The following KCNN1 variants were observed in gnomAD, a reference collection of about 807,000 sequenced individuals.
The protein encoded by KCNN1 is potassium calcium-activated channel subfamily N member 1.
Under a neutral mutation model 44.7 loss-of-function variants are expected in KCNN1, and 20 were observed. The observed-to-expected ratio is 0.45, with a 90% CI of 0.32 to 0.65. KCNN1 has a LOEUF of 0.65. Among genes scored for constraint, KCNN1 ranks in the 30% least tolerant of loss-of-function variants. The pLI is 0.05. For missense variants in KCNN1, 632 were observed against 785.3 expected (o/e 0.80, Z 2.33); for synonymous variants, 324 against 341.7 (o/e 0.95, Z 0.57).
At chr19:17,986,806 CTT>C (rs201694019) in intron 5 of KCNN1, among the ~76,000 whole-genome samples, 1 of 150,296 alleles carries the variant, frequency 6.7e-6, no homozygotes. Context: ...CCATGCCTGA[CTT>C]TGTTTTTTTC....
chr19:17,990,990 G>A, intron 7 of KCNN1, among the ~76,000 whole-genome samples: 1 of 151,892 alleles, frequency 6.6e-6, no homozygotes, highest in East Asian at 1.9e-4. Flanking sequence ...TAGAGTCTGG[G>A]TTGCAGTCTG....
chr19:17,998,129 C>A lies in KCNN1; in HGVS notation c.1378-23C>A, dbSNP rs760259341. The A allele has an allele frequency of 1.3e-6, 2 of 1,562,968 alleles. No homozygotes were observed. Among genetic ancestry groups the A allele is most frequent in the South Asian group, 2.4e-5 (2 of 84,248 alleles). On this transcript the variant is annotated intron_variant, in intron 9 of 9. Transcript: ENST00000684775. The surrounding 1 kb of genome is among the most constrained non-coding windows in gnomAD (Gnocchi z 5.4). ...TCTCTCACTCAGCGGCGCCTCTCTCCTGCCCCTCTCTGTCTCCCGCAGACC... is the reference window on the plus strand; with the variant it reads ...TCTCTCACTCAGCGGCGCCTCTCTCATGCCCCTCTCTGTCTCCCGCAGACC...
intron 3 of KCNN1, among the ~76,000 whole-genome samples, chr19:17,977,133 A>G (rs887311271): frequency 6.6e-6 from 1 of 152,198 alleles, no homozygotes; most frequent in African/African-American, 2.4e-5. Context: ...TCTGAGAGCC[A>G]TGAGAGACAA....
chr19:17,964,285 G>GGT (rs1333434011), upstream of KCNN1, among the ~76,000 whole-genome samples: 3 of 152,352 alleles, frequency 2.0e-5, no homozygotes, highest in Non-Finnish European at 1.5e-5. This position sits in a 1 kb window ranked among gnomAD's most constrained non-coding sequence, Gnocchi z 4.3. Context: ...GGGGTGCTGG[G>GGT]GATGGAGGTG....
intron 1 of KCNN1, among the ~76,000 whole-genome samples, chr19:17,973,429 C>T (rs1056831159): frequency 2.6e-5 from 4 of 152,230 alleles, no homozygotes; most frequent in African/African-American, 7.2e-5. Context: ...TACAGGCATG[C>T]ACCACTACGC....
intron 5 of KCNN1, among the ~76,000 whole-genome samples, chr19:17,986,805 A>T (rs1486730005): frequency 6.7e-6 from 1 of 148,782 alleles, no homozygotes; most frequent in Non-Finnish European, 1.5e-5. Flanking sequence ...CCCATGCCTG[A>T]CTTTGTTTTT....
rs894290454 is a variant in KCNN1 at position 17,993,278 on chromosome 19, T to C, written c.1308-212T>C. The stretch of plus-strand genomic sequence containing the variant: ...GGAGACAGGACCAGCCAATGGGTGG[T>C]GTGGGCGGTGGCCAGGCTGACTTCT... On this transcript the variant is annotated intron_variant, in intron 8 of 9. Coordinates refer to ENST00000684775, the MANE Select transcript of KCNN1 (RefSeq NM_001386974.1). This position sits in a 1 kb window ranked among gnomAD's most constrained non-coding sequence, Gnocchi z 4.5. 6.6e-6 allele frequency among the ~76,000 whole-genome samples: 1 copy of C among 152,016 alleles called. No homozygotes were observed. Among genetic ancestry groups the C allele is most frequent in the African/African-American group, 2.4e-5 (1 of 41,380 alleles).
Position 17,993,412 on chromosome 19 carries a change from T to A in KCNN1, c.1308-78T>A. On this transcript the variant is annotated intron_variant, in intron 8 of 9. Transcript: ENST00000684775. The surrounding 1 kb of genome is among the most constrained non-coding windows in gnomAD (Gnocchi z 4.5). The stretch of plus-strand genomic sequence containing the variant: ...TGTCCCATAGGTGACCCCGGGTGGG[T>A]GCATGAAAGTCCCTGCCCCCACTGC... 1 of 1,053,044 alleles carries A rather than the reference T, an allele frequency of 9.5e-7. No homozygotes were observed. The highest frequency in any genetic ancestry group is 1.5e-6 in the Non-Finnish European group (1 of 689,146). The allele number at this position is 1,053,044 out of a possible 1,614,324, so 65.2% of individuals were successfully genotyped here. A position where few individuals can be genotyped will look rare whatever the true frequency, so the allele number is the denominator to read the frequency against.
upstream of KCNN1, among the ~76,000 whole-genome samples, chr19:17,964,827 G>A (rs73922749): frequency 5.5e-3 from 836 of 152,284 alleles, 7 homozygotes; most frequent in African/African-American, 0.019. The surrounding 1 kb of genome is among the most constrained non-coding windows in gnomAD (Gnocchi z 4.3). Flanking sequence ...CAGGGCAGGT[G>A]AATGCAAAGG....
chr19:17,956,430 C>T (rs1305856850), intron 2 of KCNN1, among the ~76,000 whole-genome samples: 5 of 152,184 alleles, frequency 3.3e-5, no homozygotes, highest in African/African-American at 4.8e-5. Flanking sequence ...TGTGGAATTT[C>T]ATGGGGCATC....
rs1325514982 is a variant in KCNN1, at chr19:17,983,464, T to C, written c.917+1337T>C. 6.6e-6 allele frequency among the ~76,000 whole-genome samples: 1 copy of C among 152,088 alleles called. No individual in the cohort carries two copies. The highest frequency in any genetic ancestry group is 6.5e-5 in the Admixed American group (1 of 15,276). On this transcript the variant is annotated intron_variant, in intron 4 of 9. Coordinates refer to ENST00000684775, the MANE Select transcript of KCNN1 (RefSeq NM_001386974.1). The surrounding 1 kb of genome is among the most constrained non-coding windows in gnomAD (Gnocchi z 4.5). The stretch of plus-strand genomic sequence containing the variant: ...GCTGTTAAGGCTTCCAGGGCTCTCC[T>C]TGGGCTCTTGATGTTCCCCCATGCA...
rs1599388702 is a variant in KCNN1, at chr19:17,999,880, T to G, written c.*1474T>G. 2.3e-6 allele frequency: 1 copy of G among 442,394 alleles called. No individual in the cohort carries two copies. Among genetic ancestry groups the G allele is most frequent in the Non-Finnish European group, 4.5e-6 (1 of 220,216 alleles). The allele number at this position is 442,394 out of a possible 1,614,324, so 27.4% of individuals were successfully genotyped here. A position where few individuals can be genotyped will look rare whatever the true frequency, so the allele number is the denominator to read the frequency against. On this transcript the variant is annotated 3_prime_UTR_variant, in exon 10 of 10. Transcript: ENST00000684775. ...AGCTTGGGCCCACGCACGAGAAGGG[T>G]ATGAGGAGGTGCTGGTCAGACCCGG...
intron 1 of KCNN1, among the ~76,000 whole-genome samples, chr19:17,970,156 G>A (rs1276113429): frequency 1.3e-5 from 2 of 151,896 alleles, no homozygotes; most frequent in Admixed American, 6.6e-5. Context: ...CTGGGCCTGC[G>A]GGAGGTCAGG....
At chr19:17,987,307 A>G (rs1290802539) in intron 5 of KCNN1, among the ~76,000 whole-genome samples, 1 of 151,830 alleles carries the variant, frequency 6.6e-6, no homozygotes, top group Non-Finnish European at 1.5e-5. Flanking sequence ...ACAGGGTTTC[A>G]CCATGTCGAC....
rs566210444 is a variant in KCNN1, at chr19:17,993,447, G to C, written c.1308-43G>C. On this transcript the variant is annotated intron_variant, in intron 8 of 9. Coordinates refer to ENST00000684775, the MANE Select transcript of KCNN1 (RefSeq NM_001386974.1). The surrounding 1 kb of genome is among the most constrained non-coding windows in gnomAD (Gnocchi z 4.5). ...TCCCTGCCCCCACTGCAGCCTCCAC[G>C]GGAACCTGCCTAACCCCCTCCCCCA... is the stretch of plus-strand genomic sequence containing the variant. 197 of 1,485,064 alleles carry C rather than the reference G, an allele frequency of 1.3e-4. No individual in the cohort carries two copies. Among genetic ancestry groups the C allele is most frequent in the Non-Finnish European group, 1.6e-4 (173 of 1,068,976 alleles). The allele number at this position is 1,485,064 out of a possible 1,614,324, so 92.0% of individuals were successfully genotyped here.
At position 17,998,325 on chromosome 19, in the gene KCNN1, G is replaced by C; in HGVS notation, c.1551G>C (p.Arg517Ser). The change falls in exon 10 of 10, where the codon AGG becomes AGC. Residue 517 changes from arginine to serine, a missense_variant. Physicochemically the swap from Arg to Ser is moderately radical, Grantham distance 110. Coordinates refer to ENST00000684775, the MANE Select transcript of KCNN1 (RefSeq NM_001386974.1). The surrounding 1 kb of genome is among the most constrained non-coding windows in gnomAD (Gnocchi z 5.4). ...CACCCCCGCCTCCCCTGCCTCCCAG[G>C]CCCGGCCCCGGCCCCCAAGACCAGG... ...IRPPPPPLPP[R>S]PGPGPQDQAA... 1 of 1,534,730 alleles carries C rather than the reference G, an allele frequency of 6.5e-7. No homozygotes were observed. Among genetic ancestry groups the C allele is most frequent in the Non-Finnish European group, 8.7e-7 (1 of 1,146,208 alleles).
intron 7 of KCNN1, among the ~76,000 whole-genome samples, chr19:17,990,350 G>A (rs1288476576): frequency 2.6e-5 from 4 of 151,858 alleles, no homozygotes; most frequent in Non-Finnish European, 5.9e-5. Context: ...TGGGTGTGGT[G>A]GTGTGCCTCT....
intron 5 of KCNN1, among the ~76,000 whole-genome samples, chr19:17,986,955 T>C (rs1450740020): frequency 3.9e-5 from 6 of 151,966 alleles, no homozygotes; most frequent in Non-Finnish European, 8.8e-5. Flanking sequence ...TACAGGCGCC[T>C]GCCACCAGGC....
rs11878735 is a variant in KCNN1, at chr19:17,977,445, A to G, written c.498+2258A>G. ...CAGCCTCGACATCCTGGGCTTACAC[A>G]GTCCTCCCACCTCAGCCCCCAGGTA... On this transcript the variant is annotated intron_variant, in intron 3 of 9. Transcript: ENST00000684775. Among the ~76,000 whole-genome samples, 878 of 151,612 alleles carry G rather than the reference A, an allele frequency of 5.8e-3. 4 individuals are homozygous for G. The highest frequency in any genetic ancestry group is 0.02 in the African/African-American group (809 of 41,334).
Sources: allele counts gnomAD v4.1 joint callset (sites outside exome capture counted in the v4.1 genomes callset), GRCh38; gene constraint gnomAD v4.1.1; non-coding constraint Gnocchi (gnomAD v3.1); transcripts MANE v1.5; gene names NCBI Gene and HGNC (gene_info 2026-07-23, HGNC 2026-07-21).